The following SASH1 variants were observed in gnomAD, a reference collection of about 807,000 sequenced individuals.
The protein encoded by SASH1 is SAM and SH3 domain containing 1.
Under a neutral mutation model 125.2 loss-of-function variants are expected in SASH1, and 44 were observed. The ratio of observed to expected loss-of-function variants is 0.35; its 90% confidence interval spans 0.28 to 0.45. The LOEUF (loss-of-function observed/expected upper bound fraction) is 0.45, where lower values mean the gene tolerates loss of function less well. Ranked by LOEUF, SASH1 falls within the 20% of genes least tolerant of loss-of-function variation. The pLI is 1.00. For synonymous variants in SASH1, 639 were observed against 649.1 expected (o/e 0.98, Z 0.24); for missense variants, 1,426 against 1,614.5 (o/e 0.88, Z 2.00).
chr6:148,242,507 T>G, the SASH1 span, among the ~76,000 whole-genome samples: 1 of 152,222 alleles, frequency 6.6e-6, no homozygotes, highest in Non-Finnish European at 1.5e-5. Flanking sequence ...TCAATCTTTC[T>G]CAAGGCCAAG....
intron 4 of SASH1, among the ~76,000 whole-genome samples, chr6:148,453,158 G>A (rs986092420): frequency 7.9e-5 from 12 of 152,174 alleles, no homozygotes; most frequent in East Asian, 3.9e-4. Context: ...GCTTGAGTCC[G>A]CACGTCTGCC....
chr6:148,282,573 G>C (rs1418049914), intron 1 of SASH1, among the ~76,000 whole-genome samples: 1 of 151,986 alleles, frequency 6.6e-6, no homozygotes, highest in Admixed American at 6.6e-5. Context: ...ATAGAGACGG[G>C]GTTTCACTGT....
chr6:148,489,574 A>G (rs1039677456), intron 8 of SASH1, among the ~76,000 whole-genome samples: 2 of 152,168 alleles, frequency 1.3e-5, no homozygotes, highest in Admixed American at 6.6e-5. Context: ...CATTTTAACT[A>G]TACGAAATCT....
chr6:148,519,431 T>C lies in SASH1; in HGVS notation c.863-116T>C. 1.4e-6 allele frequency: 1 copy of C among 701,194 alleles called. No homozygotes were observed. The highest frequency in any genetic ancestry group is 2.4e-6 in the Non-Finnish European group (1 of 408,982). 43.4% of individuals were successfully genotyped at this position (701,194 alleles called of 1,614,324 possible). ...TTTCATTTTTCTGTACATATGTAAG[T>C]GGGAGCTGGGTTTATAAAGAGGGTC... On this transcript the variant is annotated intron_variant, in intron 9 of 19. Coordinates refer to ENST00000367467, the MANE Select transcript of SASH1 (RefSeq NM_015278.5). This position sits in a 1 kb window ranked among gnomAD's most constrained non-coding sequence, Gnocchi z 4.8.
intron 10 of SASH1, among the ~76,000 whole-genome samples, chr6:148,520,714 C>G (rs1045111755): frequency 1.3e-5 from 2 of 152,140 alleles, no homozygotes; most frequent in Non-Finnish European, 2.9e-5. Context: ...CATTATGTCA[C>G]TTGACCTCAA....
chr6:148,421,204 A>G (rs1364228530), intron 2 of SASH1, among the ~76,000 whole-genome samples: 3 of 140,842 alleles, frequency 2.1e-5, no homozygotes, highest in African/African-American at 7.4e-5. Context: ...AAAGAAAGAA[A>G]GAAAGAAAGA....
At chr6:148,279,518 C>T (rs566202203) in intron 1 of SASH1, among the ~76,000 whole-genome samples, 68 of 152,326 alleles carry the variant, frequency 4.5e-4, no homozygotes, top group African/African-American at 1.6e-3. Flanking sequence ...GGGTTATCAT[C>T]ATGGATAATT....
chr6:148,295,275 T>C (rs1191634917), intron 1 of SASH1, among the ~76,000 whole-genome samples: 1 of 152,168 alleles, frequency 6.6e-6, no homozygotes. Flanking sequence ...GCAGGCTCAT[T>C]ACAGAGGCAT....
chr6:148,267,399 G>GTGTGTGTGTGTGTGTGTGTGTGTGT (rs55909678), upstream of SASH1, among the ~76,000 whole-genome samples: 14 of 142,066 alleles, frequency 9.9e-5, no homozygotes, highest in South Asian at 2.3e-4. Flanking sequence ...GTGTGTGTGA[G>GTGTGTGTGTGTGTGTGTGTGTGTGT]ATGGAGTCTC....
intron 1 of SASH1, among the ~76,000 whole-genome samples, chr6:148,296,564 C>A (rs4243481): frequency 0.92 from 140,168 of 152,280 alleles, 64,668 homozygotes; most frequent in East Asian, 0.99. Flanking sequence ...ATTCATGGCC[C>A]CATTTTATAG....
intron 1 of SASH1, among the ~76,000 whole-genome samples, chr6:148,295,853 A>G (rs1779750360): frequency 6.6e-6 from 1 of 152,210 alleles, no homozygotes; most frequent in African/African-American, 2.4e-5. Flanking sequence ...CAACTGCTGT[A>G]TTGCCCACAC....
At chr6:148,312,751 GT>G (rs1780365785) in intron 1 of SASH1, among the ~76,000 whole-genome samples, 1 of 152,160 alleles carries the variant, frequency 6.6e-6, no homozygotes, top group Non-Finnish European at 1.5e-5. Context: ...TCTACGCTAG[GT>G]TTTAGATGTG....
At chr6:148,385,355 C>T (rs921867588) in intron 1 of SASH1, among the ~76,000 whole-genome samples, 10 of 152,084 alleles carry the variant, frequency 6.6e-5, no homozygotes, top group African/African-American at 1.9e-4. Context: ...GAATTTCACT[C>T]GTAGGAAAAA....
chr6:148,411,106 C>G (rs926834567), intron 2 of SASH1, among the ~76,000 whole-genome samples: 8 of 128,932 alleles, frequency 6.2e-5, no homozygotes, highest in Non-Finnish European at 1.1e-4. Flanking sequence ...TTGCGGTGAG[C>G]TGAGATCGTG....
chr6:148,481,832 T>C (rs1778631572), intron 7 of SASH1, among the ~76,000 whole-genome samples: 1 of 152,146 alleles, frequency 6.6e-6, no homozygotes. Flanking sequence ...ATTGCCAAAA[T>C]GTGACAACAG....
At chr6:148,521,245 G>C (rs889069942) in intron 10 of SASH1, among the ~76,000 whole-genome samples, 34 of 152,220 alleles carry the variant, frequency 2.2e-4, no homozygotes, top group African/African-American at 8.2e-4. Flanking sequence ...TTGGCCCTCT[G>C]TCACCTGGCA....
At chr6:148,379,950 G>C (rs568833493) in intron 1 of SASH1, 9 of 456,356 alleles carry the variant, frequency 2.0e-5, no homozygotes, top group Non-Finnish European at 4.4e-6. Context: ...CCTGGATATC[G>C]TGTGCAGCCA....
intron 1 of SASH1, among the ~76,000 whole-genome samples, chr6:148,284,173 G>A (rs868644769): frequency 3.3e-5 from 5 of 151,756 alleles, no homozygotes; most frequent in Admixed American, 6.6e-5. Flanking sequence ...GCATGTTGGC[G>A]CACGCCTGTA....
intron 8 of SASH1, among the ~76,000 whole-genome samples, chr6:148,493,037 C>T (rs568877272): frequency 2.7e-4 from 41 of 152,242 alleles, no homozygotes; most frequent in Middle Eastern, 3.4e-3. Flanking sequence ...TCTCAGAGCA[C>T]GGTCTTCCAG....
Sources: allele counts gnomAD v4.1 joint callset (sites outside exome capture counted in the v4.1 genomes callset), GRCh38; gene constraint gnomAD v4.1.1; non-coding constraint Gnocchi (gnomAD v3.1); transcripts MANE v1.5; gene names NCBI Gene and HGNC (gene_info 2026-07-23, HGNC 2026-07-21).